BLTP3B: variants seen among roughly 807,000 people sequenced by gnomAD.
BLTP3B encodes the protein UHRF1 (ICBP90) binding protein 1-like.
chr12:100,078,111 G>A, the BLTP3B span, among the ~76,000 whole-genome samples: 1 of 152,124 alleles, frequency 6.6e-6, no homozygotes, highest in African/African-American at 2.4e-5. Flanking sequence ...GTAATCCCCA[G>A]TATTGGAGGT....
chr12:100,111,318 C>T, the BLTP3B span, among the ~76,000 whole-genome samples: 6 of 121,338 alleles, frequency 4.9e-5, no homozygotes, highest in African/African-American at 1.0e-4. Flanking sequence ...TTTTGAGACA[C>T]GGTCTCGCTC....
chr12:100,039,480 A>G, the BLTP3B span: 6 of 1,120,420 alleles, frequency 5.4e-6, no homozygotes, highest in East Asian at 1.4e-4. Context: ...ACCTGGGCAC[A>G]ATAACAAGCA....
At chr12:100,141,759 G>A in the BLTP3B span, among the ~76,000 whole-genome samples, 2 of 152,244 alleles carry the variant, frequency 1.3e-5, no homozygotes, top group Admixed American at 1.3e-4. Context: ...TGTGTCTTGA[G>A]ACAAACACGG....
At chr12:100,118,388 TCAAAACAAAACAAAACAAAA>T in the BLTP3B span, among the ~76,000 whole-genome samples, 8 of 151,728 alleles carry the variant, frequency 5.3e-5, no homozygotes, top group Admixed American at 5.3e-4. Context: ...TGAGACCGTC[TCAAAACAAAACAAAACAAAA>T]CAAAACAAAA....
chr12:100,060,839 A>T, the BLTP3B span, among the ~76,000 whole-genome samples: 7 of 152,356 alleles, frequency 4.6e-5, no homozygotes, highest in African/African-American at 1.7e-4. Context: ...AAAGTTATGC[A>T]TATCTAGAGC....
the BLTP3B span, chr12:100,093,102 C>A: frequency 3.4e-5 from 12 of 357,650 alleles, no homozygotes; most frequent in Admixed American, 4.5e-4. Context: ...ACAGTCACTG[C>A]AAACTTTTGT....
At chr12:100,058,651 C>G in the BLTP3B span, 2 of 1,614,074 alleles carry the variant, frequency 1.2e-6, no homozygotes, top group Non-Finnish European at 1.7e-6. Flanking sequence ...GCTTGATCCA[C>G]TGGATGGAGC....
At chr12:100,132,385 G>A in the BLTP3B span, among the ~76,000 whole-genome samples, 2 of 152,310 alleles carry the variant, frequency 1.3e-5, no homozygotes, top group South Asian at 4.2e-4. Context: ...AAGTGTTTGG[G>A]TCATGGGGGC....
At chr12:100,132,864 C>T in the BLTP3B span, among the ~76,000 whole-genome samples, 3 of 152,240 alleles carry the variant, frequency 2.0e-5, no homozygotes, top group Admixed American at 6.5e-5. Flanking sequence ...ATAAGAATTG[C>T]TTAAGCCTGA....
chr12:100,046,331 G>A, the BLTP3B span, among the ~76,000 whole-genome samples: 1 of 152,038 alleles, frequency 6.6e-6, no homozygotes, highest in Non-Finnish European at 1.5e-5. Flanking sequence ...CAACCCAAAT[G>A]TCCATTAATA....
chr12:100,061,672 A>AT, the BLTP3B span, among the ~76,000 whole-genome samples: 1 of 151,780 alleles, frequency 6.6e-6, no homozygotes, highest in African/African-American at 2.4e-5. Flanking sequence ...AAAAAAAAAA[A>AT]AAAAGAAAGA....
the BLTP3B span, among the ~76,000 whole-genome samples, chr12:100,082,415 T>C: frequency 2.0e-5 from 3 of 152,228 alleles, no homozygotes; most frequent in African/African-American, 7.2e-5. Flanking sequence ...CTTGCCTATT[T>C]TTGTTTTTGT....
the BLTP3B span, among the ~76,000 whole-genome samples, chr12:100,104,844 A>G: frequency 1.3e-5 from 2 of 149,916 alleles, no homozygotes; most frequent in Admixed American, 6.7e-5. Flanking sequence ...TGATAATCAA[A>G]TCAGGAACTC....
chr12:100,113,653 A>G, the BLTP3B span, among the ~76,000 whole-genome samples: 13 of 152,068 alleles, frequency 8.5e-5, 1 homozygote, highest in Admixed American at 8.5e-4. Context: ...GTAAGTGTTC[A>G]CTATTATTAA....
At chr12:100,072,841 T>A in the BLTP3B span, 1 of 1,572,546 alleles carries the variant, frequency 6.4e-7, no homozygotes, top group Non-Finnish European at 8.5e-7. Context: ...TTTACTGAAA[T>A]CACACTGAAT....
the BLTP3B span, chr12:100,057,776 C>G: frequency 6.5e-7 from 1 of 1,538,352 alleles, no homozygotes; most frequent in Admixed American, 2.1e-5. Flanking sequence ...AAAATTATTA[C>G]ATATAGAGAA....
chr12:100,116,336 C>T, the BLTP3B span, among the ~76,000 whole-genome samples: 1 of 150,820 alleles, frequency 6.6e-6, no homozygotes, highest in Non-Finnish European at 1.5e-5. Context: ...GGCCCGTAGT[C>T]CAAGTTACTC....
At chr12:100,113,985 G>C in the BLTP3B span, among the ~76,000 whole-genome samples, 1 of 152,138 alleles carries the variant, frequency 6.6e-6, no homozygotes, top group South Asian at 2.1e-4. Context: ...GACTTTCAAA[G>C]GGGGTTTTTG....
At chr12:100,136,264 ACAATATTTAAAT>A in the BLTP3B span, among the ~76,000 whole-genome samples, 34 of 152,206 alleles carry the variant, frequency 2.2e-4, no homozygotes, top group East Asian at 4.2e-3. Flanking sequence ...AATCCAAAAA[ACAATATTTAAAT>A]CAGTTTTTTT....
Sources: allele counts gnomAD v4.1 joint callset (sites outside exome capture counted in the v4.1 genomes callset), GRCh38; gene constraint gnomAD v4.1.1; transcripts MANE v1.5; gene names NCBI Gene and HGNC (gene_info 2026-07-23, HGNC 2026-07-21).